Variants in NTM observed in about 807,000 individuals in gnomAD.
NTM encodes neurotrimin.
In NTM, 13 loss-of-function variants were observed where a neutral mutation model predicts 42.1. The observed-to-expected ratio is 0.31, with a 90% CI of 0.20 to 0.49. NTM has a LOEUF of 0.49. Ranked by LOEUF, NTM falls within the 20% of genes least tolerant of loss-of-function variation. The pLI is 0.99. For synonymous variants in NTM, 187 were observed against 179.2 expected, an observed-to-expected ratio of 1.04 and a Z score of -0.35; for missense variants, 373 against 452.8, an observed-to-expected ratio of 0.82 and a Z score of 1.60.
chr11:131,813,640 C>A (rs1033801433), intron 1 of NTM, among the ~76,000 whole-genome samples: 1 of 152,144 alleles, frequency 6.6e-6, no homozygotes, highest in Non-Finnish European at 1.5e-5. Flanking sequence ...AGCTCAGCCA[C>A]GTGGAGTTTC....
At chr11:132,130,845 C>G (rs560264975) in intron 2 of NTM, among the ~76,000 whole-genome samples, 1 of 152,138 alleles carries the variant, frequency 6.6e-6, no homozygotes, top group Non-Finnish European at 1.5e-5. Flanking sequence ...CGGCTGAGGC[C>G]GCATAGACAT....
chr11:132,100,433 A>G (rs919025922), intron 2 of NTM, among the ~76,000 whole-genome samples: 2 of 152,258 alleles, frequency 1.3e-5, no homozygotes, highest in African/African-American at 4.8e-5. Flanking sequence ...AAGAGGATCC[A>G]GCAGATTGAA....
At chr11:131,972,042 C>CAAAATAAAAAA (rs2063619920) in intron 2 of NTM, among the ~76,000 whole-genome samples, 1 of 57,842 alleles carries the variant, frequency 1.7e-5, no homozygotes. Context: ...GACTCCGTCT[C>CAAAATAAAAAA]AAAAAAAAAA....
rs1372608599 is a variant in NTM, at chr11:131,874,029, TAATATATATATATA to T, written c.83-37534_83-37521del. ...TATAATATATTTATATAATATAATA[TAATATATATATATA>T]TATATATATATATATATATATATAT... On this transcript the variant is annotated intron_variant, in intron 1 of 8. Coordinates refer to ENST00000683400, the MANE Select transcript of NTM (RefSeq NM_001352005.2). Among the ~76,000 whole-genome samples, 97 of 50,950 alleles carry T rather than the reference TAATATATATATATA, an allele frequency of 1.9e-3. 3 individuals carry two copies. Among genetic ancestry groups the T allele is most frequent in the African/African-American group, 4.4e-3 (85 of 19,318 alleles). The allele number at this position is 50,950 out of a possible 152,430, so 33.4% of individuals were successfully genotyped here. A position where few individuals can be genotyped will look rare whatever the true frequency, so the allele number is the denominator to read the frequency against.
At chr11:132,327,256 G>T (rs938389802) in intron 7 of NTM, among the ~76,000 whole-genome samples, 4 of 152,190 alleles carry the variant, frequency 2.6e-5, no homozygotes, top group African/African-American at 9.6e-5. Context: ...CTGGTCCTTT[G>T]TCTTTTATCT....
chr11:132,088,525 G>T (rs1307834911), intron 2 of NTM, among the ~76,000 whole-genome samples: 1 of 152,154 alleles, frequency 6.6e-6, no homozygotes, highest in East Asian at 1.9e-4. Context: ...AAAAAAAGGG[G>T]TCCTGCATGC....
At chr11:131,862,951 C>A (rs889974276) in intron 1 of NTM, among the ~76,000 whole-genome samples, 1 of 152,220 alleles carries the variant, frequency 6.6e-6, no homozygotes, top group Admixed American at 6.5e-5. Flanking sequence ...GAGGTCATCT[C>A]ACTGAAGCTT....
intron 2 of NTM, among the ~76,000 whole-genome samples, chr11:131,989,717 G>GCACA (rs57222149): frequency 0.17 from 25,682 of 149,272 alleles, 2,290 homozygotes; most frequent in Admixed American, 0.22. Context: ...TTAGATACAT[G>GCACA]CACACACACA....
At chr11:131,639,306 G>A (rs2064831153) in intron 1 of NTM, among the ~76,000 whole-genome samples, 1 of 152,136 alleles carries the variant, frequency 6.6e-6, no homozygotes, top group Non-Finnish European at 1.5e-5. Flanking sequence ...TTCGGTTTGG[G>A]GATTTACTAA....
rs1283168806 is a variant in NTM, at chr11:131,641,000, A to G, written c.82+270112A>G. Among the ~76,000 whole-genome samples the G allele has an allele frequency of 2.0e-5, 3 of 152,332 alleles. No homozygotes were observed. In the East Asian group the frequency reaches 5.8e-4, roughly 29 times the overall value. On this transcript the variant is annotated intron_variant, in intron 1 of 8. Transcript: ENST00000683400. ...ATACAAAGGGAATCATAGGGATGACATTGCTCAAGAGACCCGAAATTGGTC... is the reference window on the plus strand; with the variant it reads ...ATACAAAGGGAATCATAGGGATGACGTTGCTCAAGAGACCCGAAATTGGTC...
chr11:131,470,132 C>CA (rs745701450), intron 1 of NTM, among the ~76,000 whole-genome samples: 5 of 152,216 alleles, frequency 3.3e-5, no homozygotes, highest in Non-Finnish European at 7.3e-5. Flanking sequence ...GTATGACCCT[C>CA]ACGTTATCTG....
At chr11:132,021,253 C>T (rs1441728668) in intron 2 of NTM, among the ~76,000 whole-genome samples, 1 of 152,024 alleles carries the variant, frequency 6.6e-6, no homozygotes, top group Non-Finnish European at 1.5e-5. Flanking sequence ...TTGTTAGACT[C>T]TCTACATATG....
At chr11:131,857,633 C>T (rs775676201) in intron 1 of NTM, among the ~76,000 whole-genome samples, 2 of 152,168 alleles carry the variant, frequency 1.3e-5, no homozygotes, top group African/African-American at 2.4e-5. Flanking sequence ...TCAGGAAAAA[C>T]GAGAAATTTG....
Position 132,043,958 on chromosome 11 carries a change from ATGTGTGTGTGTGTGTGTG to A in NTM, c.168-102306_168-102289del, listed in dbSNP as rs71067353. Among the ~76,000 whole-genome samples, 195 of 146,378 alleles carry A rather than the reference ATGTGTGTGTGTGTGTGTG, an allele frequency of 1.3e-3. 1 individual carries two copies. The highest frequency in any genetic ancestry group is 2.4e-3 in the Non-Finnish European group (157 of 66,016). ...CATTTTAAGAAGACAGACACCAACT[ATGTGTGTGTGTGTGTGTG>A]TGTGTGTGTGTGTGTGTATGGGTAT... On this transcript the variant is annotated intron_variant, in intron 2 of 8. Coordinates refer to ENST00000683400, the MANE Select transcript of NTM (RefSeq NM_001352005.2).
intron 2 of NTM, among the ~76,000 whole-genome samples, chr11:131,948,099 C>T (rs921423414): frequency 2.0e-5 from 3 of 152,122 alleles, no homozygotes; most frequent in Admixed American, 2.0e-4. Flanking sequence ...CAGTGGCTCA[C>T]GCCTGTAATC....
intron 2 of NTM, among the ~76,000 whole-genome samples, chr11:131,952,611 T>C (rs996712293): frequency 2.0e-5 from 3 of 152,238 alleles, no homozygotes; most frequent in Non-Finnish European, 4.4e-5. Context: ...CAACTGTGGA[T>C]ACGCATAACC....
At chr11:131,415,003 G>C (rs2135782393) in intron 1 of NTM, among the ~76,000 whole-genome samples, 1 of 152,322 alleles carries the variant, frequency 6.6e-6, no homozygotes, top group African/African-American at 2.4e-5. Flanking sequence ...GAACAATTGT[G>C]ATGACGCTGG....
chr11:131,971,571 A>G (rs649064), intron 2 of NTM, among the ~76,000 whole-genome samples: 36,280 of 151,936 alleles, frequency 0.24, 4,555 homozygotes, highest in East Asian at 0.33. Flanking sequence ...CATTTGCGGT[A>G]TAGTGATTAA....
chr11:132,281,182 A>G lies in NTM; in HGVS notation c.527-26507A>G, dbSNP rs1004316008. On this transcript the variant is annotated intron_variant, in intron 4 of 8. Coordinates refer to ENST00000683400, the MANE Select transcript of NTM (RefSeq NM_001352005.2). ...TAAAGGAATGACCTTGGGTGTGACC[A>G]GTGGGTCTTCAGAGCATGGCTGCGT... Among the ~76,000 whole-genome samples, 33 of 152,216 alleles carry G rather than the reference A, an allele frequency of 2.2e-4. 1 individual carries two copies. Among genetic ancestry groups the G allele is most frequent in the African/African-American group, 7.2e-4 (30 of 41,468 alleles).
Sources: gnomAD v4.1 joint callset for allele counts (sites outside exome capture counted in the v4.1 genomes callset) on GRCh38, gnomAD v4.1.1 for gene constraint, MANE v1.5 for transcripts, NCBI Gene and HGNC (gene_info 2026-07-23, HGNC 2026-07-21) for gene names.